FOXO1: variants seen among roughly 807,000 people sequenced by gnomAD.
The protein encoded by FOXO1 is forkhead box O1.
FOXO1 carries 6 observed loss-of-function variants against 44.1 expected under a neutral mutation model. That is an observed-to-expected ratio of 0.14 (90% CI 0.07 to 0.27). The LOEUF is 0.27. FOXO1 is among the 10% of genes least tolerant of loss of function. The pLI is 1.00. For missense variants in FOXO1, 737 were observed against 888.8 expected (o/e 0.83, Z 2.17); for synonymous variants, 380 against 362.7 (o/e 1.05, Z -0.54).
chr13:40,635,910 C>A (rs1364488234), intron 1 of FOXO1, among the ~76,000 whole-genome samples: 1 of 152,204 alleles, frequency 6.6e-6, no homozygotes, highest in East Asian at 1.9e-4. Flanking sequence ...CAGTGGCGCC[C>A]ATCTGTAAAA....
chr13:40,652,251 G>A (rs533522334), intron 1 of FOXO1, among the ~76,000 whole-genome samples: 1 of 151,960 alleles, frequency 6.6e-6, no homozygotes, highest in African/African-American at 2.4e-5. Context: ...TATGAATGAT[G>A]GCAGGCTGAA....
In FOXO1 at chr13:40,557,729, G is replaced by A. The variant is rs1253138949; in HGVS notation, c.*1320C>T. 1 of 152,156 alleles carries A rather than the reference G, an allele frequency of 6.6e-6. No individual in the cohort carries two copies. The highest frequency in any genetic ancestry group is 1.5e-5 in the Non-Finnish European group (1 of 68,024). The allele number at this position is 152,156 out of a possible 1,614,324, so 9.4% of individuals were successfully genotyped here. A position where few individuals can be genotyped will look rare whatever the true frequency, so the allele number is the denominator to read the frequency against. On this transcript the variant is annotated 3_prime_UTR_variant, in exon 3 of 3. Coordinates refer to ENST00000379561, the MANE Select transcript of FOXO1 (RefSeq NM_002015.4). ...GAAACAAGAGCAAAGAATTATGAGGGGAAACTTTTGCTAAAGCTCAACTCA... is the reference window on the plus strand; with the variant it reads ...GAAACAAGAGCAAAGAATTATGAGGAGAAACTTTTGCTAAAGCTCAACTCA...
Position 40,556,714 on chromosome 13 carries a change from CCAGACT to C in FOXO1, c.*2329_*2334del, listed in dbSNP as rs1303408141. 6.6e-6 allele frequency: 1 copy of C among 152,114 alleles called. No individual in the cohort carries two copies. Among genetic ancestry groups the C allele is most frequent in the African/African-American group, 2.4e-5 (1 of 41,412 alleles). 9.4% of individuals were successfully genotyped at this position (152,114 alleles called of 1,614,324 possible). On this transcript the variant is annotated 3_prime_UTR_variant, in exon 3 of 3. Transcript: ENST00000379561. ...GGGGGCTTGGGAGAGGTATAATTAC[CCAGACT>C]CAGGAGGAAGATATATTTTCCTAAG...
At chr13:40,653,659 G>A (rs967580383) in intron 1 of FOXO1, among the ~76,000 whole-genome samples, 12 of 152,074 alleles carry the variant, frequency 7.9e-5, no homozygotes, top group African/African-American at 2.9e-4. Context: ...CATGCGCATT[G>A]GCTTTTTTAC....
Position 40,560,021 on chromosome 13 carries a change from C to T in FOXO1, c.1470G>A (p.Arg490=). 6.2e-7 allele frequency: 1 copy of T among 1,614,010 alleles called. No homozygotes were observed. The change falls in exon 2 of 3, where the codon CGG becomes CGA. Residue 490 remains arginine (R), a synonymous_variant. Coordinates refer to ENST00000379561, the MANE Select transcript of FOXO1 (RefSeq NM_002015.4). The surrounding 1 kb of genome is among the most constrained non-coding windows in gnomAD (Gnocchi z 5.1). ...CCATCATGACGTTCTGGCCCAGAAC[C>T]CGGCTGTTGGGCTGGGCTACCCCAG... ...VDPGVAQPNS[R]VLGQNVMMGP... is the part of the protein sequence containing the mutation.
intron 1 of FOXO1, among the ~76,000 whole-genome samples, chr13:40,576,797 A>T (rs1006704703): frequency 2.6e-5 from 4 of 152,250 alleles, no homozygotes; most frequent in Admixed American, 6.5e-5. Flanking sequence ...TTTTGAAAAC[A>T]GATTTTAAAA....
chr13:40,570,083 C>T (rs1874424346), intron 1 of FOXO1, among the ~76,000 whole-genome samples: 1 of 152,090 alleles, frequency 6.6e-6, no homozygotes. Flanking sequence ...GAGGCCGAGG[C>T]AGGCAGATCA....
intron 1 of FOXO1, among the ~76,000 whole-genome samples, chr13:40,576,148 C>T (rs1874733819): frequency 6.6e-6 from 1 of 152,040 alleles, no homozygotes; most frequent in Admixed American, 6.5e-5. Context: ...TGTGAGGAAA[C>T]TTTTTTAAAA....
intron 1 of FOXO1, among the ~76,000 whole-genome samples, chr13:40,641,300 T>G (rs1416101730): frequency 6.6e-6 from 1 of 152,094 alleles, no homozygotes; most frequent in African/African-American, 2.4e-5. Context: ...ACAGGGTTAC[T>G]TGGTCAACTC....
Position 40,560,313 on chromosome 13 carries a change from G to C in FOXO1, c.1178C>G (p.Ser393Cys), listed in dbSNP as rs1189626056. ...CTGCTGCATCATGGTGCCAGGTGAG[G>C]ACTGGGTCGAAACAGTTAATGATGT... ...SPTSLTVSTQ[S>C]SPGTMMQQTP... The change falls in exon 2 of 3, where the codon TCC becomes TGC. Residue 393 changes from serine to cysteine, a missense_variant. Around this residue, in one of 7 missense-constraint regions of FOXO1, gnomAD observed 283 missense variants for 278.1 expected, o/e 1.02. Coordinates refer to ENST00000379561, the MANE Select transcript of FOXO1 (RefSeq NM_002015.4). The surrounding 1 kb of genome is among the most constrained non-coding windows in gnomAD (Gnocchi z 5.1). 2 of 1,614,050 alleles carry C rather than the reference G, an allele frequency of 1.2e-6. No individual in the cohort carries two copies. Among genetic ancestry groups the C allele is most frequent in the Non-Finnish European group, 1.7e-6 (2 of 1,180,040 alleles).
At chr13:40,603,353 C>CAAAAAAA (rs60741629) in intron 1 of FOXO1, among the ~76,000 whole-genome samples, 2 of 73,970 alleles carry the variant, frequency 2.7e-5, no homozygotes, top group African/African-American at 4.8e-5. Context: ...CAGATGAATC[C>CAAAAAAA]AAAAAAAAAA....
At chr13:40,649,789 T>C (rs552196395) in intron 1 of FOXO1, among the ~76,000 whole-genome samples, 1 of 152,316 alleles carries the variant, frequency 6.6e-6, no homozygotes, top group African/African-American at 2.4e-5. Context: ...AATTATGAGC[T>C]CCATCTGTAC....
At chr13:40,576,331 G>C (rs918655942) in intron 1 of FOXO1, among the ~76,000 whole-genome samples, 2 of 152,122 alleles carry the variant, frequency 1.3e-5, no homozygotes, top group Admixed American at 6.6e-5. Context: ...AAGATCAGAG[G>C]ACAACAGAGT....
chr13:40,662,221 G>C (rs1416795361), intron 1 of FOXO1, among the ~76,000 whole-genome samples: 3 of 146,338 alleles, frequency 2.1e-5, no homozygotes, highest in Non-Finnish European at 4.5e-5. Context: ...AATCAAAGAG[G>C]ATACCTCTAA....
intron 1 of FOXO1, among the ~76,000 whole-genome samples, chr13:40,626,643 T>A (rs1175410745): frequency 1.3e-5 from 2 of 152,100 alleles, no homozygotes; most frequent in Non-Finnish European, 2.9e-5. Flanking sequence ...CACCAATACC[T>A]CCCCTTTCAA....
At chr13:40,634,784 A>G (rs979798858) in intron 1 of FOXO1, among the ~76,000 whole-genome samples, 1 of 152,034 alleles carries the variant, frequency 6.6e-6, no homozygotes, top group African/African-American at 2.4e-5. Context: ...GGCTCAAGCA[A>G]TTCTCCTTCC....
chr13:40,631,848 A>T (rs928924661), intron 1 of FOXO1, among the ~76,000 whole-genome samples: 7 of 152,244 alleles, frequency 4.6e-5, no homozygotes, highest in African/African-American at 1.7e-4. Context: ...TGGTGATTAC[A>T]ATGGGTTGGC....
chr13:40,640,491 G>A (rs1007528219), intron 1 of FOXO1, among the ~76,000 whole-genome samples: 8 of 152,170 alleles, frequency 5.3e-5, no homozygotes, highest in Non-Finnish European at 1.0e-4. Flanking sequence ...TTAGAAGGGC[G>A]GCTTTAGCAT....
intron 1 of FOXO1, among the ~76,000 whole-genome samples, chr13:40,586,116 G>C (rs1022272029): frequency 3.9e-5 from 6 of 152,188 alleles, no homozygotes; most frequent in Non-Finnish European, 7.3e-5. Context: ...TAAAACTCTG[G>C]ATCACAATCC....
Sources: allele counts gnomAD v4.1 joint callset (sites outside exome capture counted in the v4.1 genomes callset), GRCh38; gene constraint gnomAD v4.1.1; regional missense constraint gnomAD v4.1.1; non-coding constraint Gnocchi (gnomAD v3.1); transcripts MANE v1.5; gene names NCBI Gene and HGNC (gene_info 2026-07-23, HGNC 2026-07-21).